PGBD1: variants seen among roughly 807,000 people sequenced by gnomAD.
PGBD1 encodes the protein piggyBac transposable element-derived protein 1.
In PGBD1, 25 loss-of-function variants were observed where a neutral mutation model predicts 34.7. The observed-to-expected ratio is 0.72, with a 90% CI of 0.52 to 1.00. The LOEUF is 1.00. Ranked by LOEUF, PGBD1 falls within the 50% of genes least tolerant of loss-of-function variation. PGBD1 has a pLI of 0.00. For synonymous variants in PGBD1, 292 were observed against 335.7 expected (o/e 0.87, Z 1.42); for missense variants, 830 against 959.4 (o/e 0.87, Z 1.78).
rs1466181126 is a variant in PGBD1 at position 28,296,850 on chromosome 6, C to T, written c.677C>T (p.Ala226Val). The T allele has an allele frequency of 6.2e-7, 1 of 1,614,136 alleles. No individual in the cohort carries two copies. The highest frequency in any genetic ancestry group is 8.5e-7 in the Non-Finnish European group (1 of 1,179,992). ...LVKTEEETAQ[A>V]VAAEKWSHLS... ...AAGACTGAGGAAGAAACAGCCCAGGCCGTTGCTGCAGAGAAGTGGTCACAT... is the reference window on the plus strand; with the variant it reads ...AAGACTGAGGAAGAAACAGCCCAGGTCGTTGCTGCAGAGAAGTGGTCACAT... Residue 226 changes from alanine to valine, a missense_variant, in exon 5 of 7, where the codon GCC becomes GTC. Physicochemically the swap from Ala to Val is moderately conservative, Grantham distance 64 (BLOSUM62 0). Coordinates refer to ENST00000682144, the MANE Select transcript of PGBD1 (RefSeq NM_032507.4).
chr6:28,287,196 A>G, intron 4 of PGBD1, 28 bp downstream of exon 4: 1 of 1,540,690 alleles, frequency 6.5e-7, no homozygotes, highest in South Asian at 1.1e-5. Context: ...GCTTGTAGGA[A>G]TATCAGTAGT....
At chr6:28,287,046 T>G in intron 3 of PGBD1, 34 bp from the exon 4 acceptor site, 1 of 1,547,770 alleles carries the variant, frequency 6.5e-7, no homozygotes, top group Non-Finnish European at 8.9e-7. Flanking sequence ...GGCCATCATG[T>G]CTCATTTAGG....
At position 28,301,578 on chromosome 6, in the gene PGBD1, C is replaced by T. The variant is rs1252111071; in HGVS notation, c.1724C>T (p.Thr575Ile). ...RIGYKIWCGT[T>I]TQGYLVWFEP... is the part of the protein sequence containing the mutation. ...GGCTATAAAATTTGGTGTGGTACAA[C>T]CACACAGGGTTATCTGGTTTGGTTT... Residue 575 changes from threonine (T) to isoleucine (I), a missense_variant, in exon 7 of 7, where the codon ACC becomes ATC. Around this residue, in one of 3 missense-constraint regions of PGBD1, gnomAD observed 372 missense variants for 427.9 expected, o/e 0.87. Coordinates refer to ENST00000682144, the MANE Select transcript of PGBD1 (RefSeq NM_032507.4). 1 of 1,614,114 alleles carries T rather than the reference C, an allele frequency of 6.2e-7. No homozygotes were observed. Among genetic ancestry groups the T allele is most frequent in the South Asian group, 1.1e-5 (1 of 91,086 alleles).
At chr6:28,285,792 A>G (rs547609959) in intron 3 of PGBD1, 85 bp downstream of exon 3, 51 of 1,376,878 alleles carry the variant, frequency 3.7e-5, no homozygotes, top group Middle Eastern at 2.6e-4. Flanking sequence ...GTTTGTATAC[A>G]TTGTGAAATG....
chr6:28,296,398 T>C (rs1008202780), intron 4 of PGBD1, among the ~76,000 whole-genome samples: 1 of 152,216 alleles, frequency 6.6e-6, no homozygotes, highest in African/African-American at 2.4e-5. Context: ...TTTGTGACAA[T>C]GTCTTTAATC....
chr6:28,293,993 G>A (rs149012728), intron 4 of PGBD1, among the ~76,000 whole-genome samples: 2 of 152,336 alleles, frequency 1.3e-5, no homozygotes, highest in Non-Finnish European at 2.9e-5. Context: ...AGCCGAGATA[G>A]GCCAAAAGCT....
intron 3 of PGBD1, among the ~76,000 whole-genome samples, chr6:28,286,604 A>G (rs955351933): frequency 2.0e-5 from 3 of 152,104 alleles, no homozygotes; most frequent in Non-Finnish European, 4.4e-5. Context: ...TTTCTAGTTC[A>G]TGGCTAACAT....
In PGBD1 at chr6:28,299,057, T is replaced by C. The variant is rs553509180; in HGVS notation, c.869+1066T>C. ...TTAAAGCTCAAGAGGAGAAGTGAAA[T>C]TTTGCATTAAGATTAGTGAAGACTG... On this transcript the variant is annotated intron_variant, in intron 6 of 6. Coordinates refer to ENST00000682144, the MANE Select transcript of PGBD1 (RefSeq NM_032507.4). 4.6e-5 allele frequency among the ~76,000 whole-genome samples: 7 copies of C among 152,118 alleles called. 1 individual carries two copies. The South Asian group carries it at 1.5e-3, about 32-fold the overall frequency.
chr6:28,289,859 A>G (rs1464295823), intron 4 of PGBD1, among the ~76,000 whole-genome samples: 2 of 152,216 alleles, frequency 1.3e-5, no homozygotes, highest in African/African-American at 2.4e-5. Context: ...CGAAAAGTCA[A>G]AATCTAGAGG....
In PGBD1 at chr6:28,287,165, C is replaced by T; in HGVS notation, c.639C>T (p.Ser213=). ...AVVPVFNPVR[S]QTLVKTEEET... ...TGCCTGTGTTTAACCCAGTCAGGTCCCAGGTAAGTAGGATGCCCAAGCTTG... is the reference window on the plus strand; with the variant it reads ...TGCCTGTGTTTAACCCAGTCAGGTCTCAGGTAAGTAGGATGCCCAAGCTTG... The change falls in exon 4 of 7, where the codon TCC becomes TCT. Residue 213 remains serine (S), a synonymous_variant. Coordinates refer to ENST00000682144, the MANE Select transcript of PGBD1 (RefSeq NM_032507.4). 6.2e-7 allele frequency: 1 copy of T among 1,611,572 alleles called. No homozygotes were observed. Among genetic ancestry groups the T allele is most frequent in the Non-Finnish European group, 8.5e-7 (1 of 1,177,750 alleles).
At position 28,287,166 on chromosome 6, in the gene PGBD1, C is replaced by G. The variant is rs1480062926; in HGVS notation, c.640C>G (p.Gln214Glu). The G allele has an allele frequency of 1.2e-6, 2 of 1,611,144 alleles. No individual in the cohort carries two copies. The highest frequency in any genetic ancestry group is 2.7e-5 in the African/African-American group (2 of 74,848). Residue 214 changes from glutamine (Q) to glutamate (E), a missense_variant and splice_region_variant, in exon 4 of 7, where the codon CAG (glutamine) becomes GAG (glutamate). Physicochemically the swap from Gln to Glu is conservative, Grantham distance 29. This residue lies in a region of PGBD1 where 457 missense variants were observed against 515.4 expected (regional missense o/e 0.89). Transcript: ENST00000682144. Reference sequence around the variant, plus strand: ...GCCTGTGTTTAACCCAGTCAGGTCCCAGGTAAGTAGGATGCCCAAGCTTGT... The same window carrying G: ...GCCTGTGTTTAACCCAGTCAGGTCCGAGGTAAGTAGGATGCCCAAGCTTGT... ...VVPVFNPVRSQTLVKTEEETA... is the reference protein window; with the variant it reads ...VVPVFNPVRSETLVKTEEETA...
At position 28,301,586 on chromosome 6, in the gene PGBD1, G is replaced by T. The variant is rs1002176363; in HGVS notation, c.1732G>T (p.Gly578Cys). 1.2e-6 allele frequency: 2 copies of T among 1,614,128 alleles called. No homozygotes were observed. Among genetic ancestry groups the T allele is most frequent in the Non-Finnish European group, 1.7e-6 (2 of 1,180,014 alleles). ...YKIWCGTTTQ[G>C]YLVWFEPYQE... ...AATTTGGTGTGGTACAACCACACAG[G>T]GTTATCTGGTTTGGTTTGAACCCTA... The change falls in exon 7 of 7, where the codon GGT becomes TGT. Residue 578 changes from glycine to cysteine, a missense_variant. Coordinates refer to ENST00000682144, the MANE Select transcript of PGBD1 (RefSeq NM_032507.4).
In PGBD1 at chr6:28,301,540, G is replaced by A; in HGVS notation, c.1686G>A (p.Lys562=). The change falls in exon 7 of 7, where the codon AAG becomes AAA. Residue 562 remains lysine (K), a synonymous_variant. Transcript: ENST00000682144. ...ATAGTGACCAATTCCTGAATGGAAA[G>A]CCTATTAGAATTGGCTATAAAATTT... ...CFDSDQFLNG[K]PIRIGYKIWC... 1 of 1,614,154 alleles carries A rather than the reference G, an allele frequency of 6.2e-7. No homozygotes were observed. Among genetic ancestry groups the A allele is most frequent in the Non-Finnish European group, 8.5e-7 (1 of 1,180,028 alleles).
Position 28,284,051 on chromosome 6 carries a change from A to G in PGBD1, c.238A>G (p.Lys80Glu), listed in dbSNP as rs576076290. Residue 80 changes from lysine (K) to glutamate (E), a missense_variant, in exon 2 of 7, where the codon AAG (lysine) becomes GAG (glutamate). Physicochemically the swap from Lys to Glu is moderately conservative, Grantham distance 56 (BLOSUM62 1). Coordinates refer to ENST00000682144, the MANE Select transcript of PGBD1 (RefSeq NM_032507.4). ...ATGGCTGAGACCGGAGATGCACACCAAGGAACAGATAATGGAACTGCTGGT... is the reference window on the plus strand; with the variant it reads ...ATGGCTGAGACCGGAGATGCACACCGAGGAACAGATAATGGAACTGCTGGT... The part of the protein sequence containing the change: ...HQWLRPEMHT[K>E]EQIMELLVLE... The G allele has an allele frequency of 3.1e-6, 5 of 1,614,150 alleles. No homozygotes were observed. Among genetic ancestry groups the G allele is most frequent in the African/African-American group, 2.7e-5 (2 of 75,040 alleles).
chr6:28,291,172 A>AT (rs1199979875), intron 4 of PGBD1, among the ~76,000 whole-genome samples: 3 of 150,370 alleles, frequency 2.0e-5, no homozygotes, highest in Admixed American at 6.6e-5. Flanking sequence ...AAGAAGTTGG[A>AT]TTTTTTTTAA....
intron 4 of PGBD1, among the ~76,000 whole-genome samples, chr6:28,290,188 C>G (rs117226436): frequency 1.3e-5 from 2 of 152,108 alleles, no homozygotes; most frequent in African/African-American, 4.8e-5. Context: ...CTCTGCCTCC[C>G]GAGTTCAAGT....
chr6:28,296,832 A>T lies in PGBD1; in HGVS notation c.659A>T (p.Glu220Val). Reference sequence around the variant, plus strand: ...TCTTTTTAGACATTGGTGAAGACTGAGGAAGAAACAGCCCAGGCCGTTGCT... The same window carrying T: ...TCTTTTTAGACATTGGTGAAGACTGTGGAAGAAACAGCCCAGGCCGTTGCT... The part of the protein sequence containing the change: ...PVRSQTLVKT[E>V]EETAQAVAAE... The change falls in exon 5 of 7, where the codon GAG becomes GTG. Residue 220 changes from glutamate to valine, a missense_variant. Transcript: ENST00000682144. 1 of 1,614,120 alleles carries T rather than the reference A, an allele frequency of 6.2e-7. No individual in the cohort carries two copies. Among genetic ancestry groups the T allele is most frequent in the South Asian group, 1.1e-5 (1 of 91,080 alleles).
intron 5 of PGBD1, 68 bp from the exon 6 acceptor site, chr6:28,297,827 T>TG (rs1762699695): frequency 1.2e-4 from 27 of 233,376 alleles, no homozygotes; most frequent in South Asian, 7.7e-4. Context: ...TTTTTTTTTT[T>TG]TTTTTTTTTT....
intron 4 of PGBD1, among the ~76,000 whole-genome samples, chr6:28,290,431 C>G (rs34691223): frequency 6.6e-6 from 1 of 152,044 alleles, no homozygotes; most frequent in Non-Finnish European, 1.5e-5. Context: ...GCATGCAACA[C>G]CAGAGCTCCC....
Sources: allele counts gnomAD v4.1 joint callset (sites outside exome capture counted in the v4.1 genomes callset), GRCh38; gene constraint gnomAD v4.1.1; regional missense constraint gnomAD v4.1.1; transcripts MANE v1.5; gene names NCBI Gene and HGNC (gene_info 2026-07-23, HGNC 2026-07-21).